Variants in MGMT observed in about 807,000 individuals in gnomAD.
MGMT encodes the protein O-6-methylguanine-DNA methyltransferase.
Under a neutral mutation model 15.9 loss-of-function variants are expected in MGMT, and 14 were observed. That is an observed-to-expected ratio of 0.88 (90% CI 0.58 to 1.37). MGMT has a LOEUF of 1.37. Among genes scored for constraint, MGMT ranks in the 40% most tolerant of loss-of-function variants. The probability of loss-of-function intolerance (pLI) is 0.00; values close to 1 mark genes in which losing one functional copy is unlikely to be tolerated. For missense variants in MGMT, 282 were observed against 268.1 expected, an observed-to-expected ratio of 1.05 and a Z score of -0.36; for synonymous variants, 130 against 118.2, an observed-to-expected ratio of 1.10 and a Z score of -0.65.
intron 2 of MGMT, among the ~76,000 whole-genome samples, chr10:129,592,821 G>T (rs1172261202): frequency 2.0e-5 from 3 of 151,254 alleles, no homozygotes; most frequent in Admixed American, 6.6e-5. Context: ...TTGGAAAAAT[G>T]GTTATTTTTC....
At position 129,590,841 on chromosome 10, in the gene MGMT, T is replaced by C. The variant is rs575283372; in HGVS notation, c.125+54464T>C. ...AGGGGGACCCCTCGTGAGGAATATG[T>C]CGGTGCAGTGTGCAGGTTAAACTGT... On this transcript the variant is annotated intron_variant, in intron 2 of 4. Transcript: ENST00000651593. Among the ~76,000 whole-genome samples the C allele has an allele frequency of 2.4e-4, 37 of 152,344 alleles. 1 individual carries two copies. The highest frequency in any genetic ancestry group is 2.1e-3 in the South Asian group (10 of 4,830).
intron 1 of MGMT, among the ~76,000 whole-genome samples, chr10:129,485,580 G>A (rs1845400169): frequency 6.6e-6 from 1 of 152,234 alleles, no homozygotes; most frequent in Non-Finnish European, 1.5e-5. Context: ...ATGCTCAAAG[G>A]AAATGCTTAT....
chr10:129,507,793 G>A (rs182963753), intron 1 of MGMT, among the ~76,000 whole-genome samples: 1 of 152,188 alleles, frequency 6.6e-6, no homozygotes, highest in South Asian at 2.1e-4. Flanking sequence ...TTAGTTACTT[G>A]TGAGATGGAG....
intron 3 of MGMT, among the ~76,000 whole-genome samples, chr10:129,730,088 A>T (rs982060401): frequency 3.9e-5 from 6 of 152,170 alleles, no homozygotes; most frequent in Non-Finnish European, 7.4e-5. Flanking sequence ...TCCCTTCTGA[A>T]CACCAGCAAG....
At chr10:129,694,565 C>T (rs1276021747) in intron 2 of MGMT, among the ~76,000 whole-genome samples, 2 of 152,214 alleles carry the variant, frequency 1.3e-5, no homozygotes, top group African/African-American at 2.4e-5. Flanking sequence ...TGGCTAGCTT[C>T]GAAGCTAAAA....
chr10:129,668,241 T>C (rs1030141380), intron 2 of MGMT, among the ~76,000 whole-genome samples: 3 of 152,222 alleles, frequency 2.0e-5, no homozygotes, highest in Middle Eastern at 3.4e-3. Context: ...GTAAACATTT[T>C]AAGCTTTGTG....
At chr10:129,652,451 C>T (rs551686005) in intron 2 of MGMT, among the ~76,000 whole-genome samples, 12 of 152,320 alleles carry the variant, frequency 7.9e-5, no homozygotes, top group East Asian at 1.9e-4. Flanking sequence ...CCTGAGGGAA[C>T]GGAGGAGACT....
At chr10:129,585,768 G>A (rs1317931544) in intron 2 of MGMT, among the ~76,000 whole-genome samples, 2 of 152,132 alleles carry the variant, frequency 1.3e-5, no homozygotes, top group African/African-American at 2.4e-5. Flanking sequence ...GCATATGGAG[G>A]GCCGGCTGTG....
At chr10:129,493,004 A>C (rs979113155) in intron 1 of MGMT, among the ~76,000 whole-genome samples, 5 of 152,146 alleles carry the variant, frequency 3.3e-5, no homozygotes, top group African/African-American at 1.2e-4. Context: ...GGTTGCTTTA[A>C]ATATCTGCAA....
rs554655064 is a variant in MGMT, at chr10:129,627,066, C to T, written c.126-80829C>T. Among the ~76,000 whole-genome samples the T allele has an allele frequency of 1.4e-4, 21 of 152,268 alleles. No individual in the cohort carries two copies. In the South Asian group the frequency reaches 4.4e-3, roughly 32 times the overall value. Reference sequence around the variant, plus strand: ...TCAGAAGGCTTCACGCAAGTGGGCTCACAGGCAAGAAGAAAAGCTGTGGGC... The same window carrying T: ...TCAGAAGGCTTCACGCAAGTGGGCTTACAGGCAAGAAGAAAAGCTGTGGGC... On this transcript the variant is annotated intron_variant, in intron 2 of 4. Transcript: ENST00000651593.
intron 3 of MGMT, among the ~76,000 whole-genome samples, chr10:129,709,971 G>A (rs567284367): frequency 5.3e-5 from 8 of 152,318 alleles, no homozygotes; most frequent in African/African-American, 1.4e-4. Context: ...CTGAACCCCC[G>A]CTGAGCCTTT....
intron 3 of MGMT, among the ~76,000 whole-genome samples, chr10:129,756,990 A>G (rs2133183520): frequency 1.3e-5 from 2 of 152,354 alleles, no homozygotes. Context: ...TGCACAGGCT[A>G]GGGTTCGAAG....
At chr10:129,481,359 C>T (rs528153888) in intron 1 of MGMT, among the ~76,000 whole-genome samples, 41 of 152,238 alleles carry the variant, frequency 2.7e-4, no homozygotes, top group African/African-American at 9.1e-4. Context: ...CTGGATTTGA[C>T]GTGTGGATAT....
chr10:129,720,941 G>GAAA (rs1848362906), intron 3 of MGMT, among the ~76,000 whole-genome samples: 2 of 125,844 alleles, frequency 1.6e-5, no homozygotes, highest in African/African-American at 6.2e-5. Context: ...AATGTCAGGG[G>GAAA]GAAAAAAAAA....
intron 2 of MGMT, among the ~76,000 whole-genome samples, chr10:129,666,904 C>A (rs1847665496): frequency 6.6e-6 from 1 of 152,090 alleles, no homozygotes; most frequent in Non-Finnish European, 1.5e-5. Context: ...GGCTTGGTTC[C>A]CACACCTGAA....
intron 1 of MGMT, among the ~76,000 whole-genome samples, chr10:129,527,102 G>A (rs1041039774): frequency 3.9e-5 from 6 of 152,222 alleles, no homozygotes; most frequent in African/African-American, 1.4e-4. Flanking sequence ...AGTGGGAAGT[G>A]GGGACATTAG....
chr10:129,739,029 C>G (rs1334676669), intron 3 of MGMT, among the ~76,000 whole-genome samples: 1 of 152,144 alleles, frequency 6.6e-6, no homozygotes, highest in Non-Finnish European at 1.5e-5. Flanking sequence ...TGTTCCATCA[C>G]GTAAACAGAA....
chr10:129,525,219 G>C (rs920933385), intron 1 of MGMT, among the ~76,000 whole-genome samples: 1 of 152,132 alleles, frequency 6.6e-6, no homozygotes, highest in African/African-American at 2.4e-5. Context: ...TCAGAACAGC[G>C]TTTATCTTCC....
At chr10:129,617,808 A>G (rs982720374) in intron 2 of MGMT, among the ~76,000 whole-genome samples, 1 of 151,748 alleles carries the variant, frequency 6.6e-6, no homozygotes, top group Non-Finnish European at 1.5e-5. Flanking sequence ...TAATTTGTTT[A>G]AGTTCTTTAT....
Sources: gnomAD v4.1 joint callset for allele counts (sites outside exome capture counted in the v4.1 genomes callset) on GRCh38, gnomAD v4.1.1 for gene constraint, MANE v1.5 for transcripts, NCBI Gene and HGNC (gene_info 2026-07-23, HGNC 2026-07-21) for gene names.